RTL4: variants seen among roughly 807,000 people sequenced by gnomAD.
RTL4 encodes the protein retrotransposon Gag-like protein 4.
In RTL4, 4 loss-of-function variants were observed where a neutral mutation model predicts 5.3. That is an observed-to-expected ratio of 0.75 (90% CI 0.37 to 1.72). The LOEUF (loss-of-function observed/expected upper bound fraction) is 1.72, where lower values mean the gene tolerates loss of function less well. Among genes scored for constraint, RTL4 ranks in the 40% most tolerant of loss-of-function variants. The pLI is 0.04. For missense variants in RTL4, 260 were observed against 227.1 expected (o/e 1.14, Z -0.93); for synonymous variants, 98 against 87.3 (o/e 1.12, Z -0.68).
the RTL4 span, among the ~76,000 whole-genome samples, chrX:112,394,833 T>A: frequency 8.9e-6 from 1 of 112,204 alleles, no homozygotes; most frequent in Non-Finnish European, 1.9e-5. Flanking sequence ...GTATGGTAAA[T>A]TCTTTTTATG....
At chrX:112,197,803 G>T in the RTL4 span, among the ~76,000 whole-genome samples, 1 of 111,426 alleles carries the variant, frequency 9.0e-6, no homozygotes, top group Admixed American at 9.6e-5. Context: ...TTTTGCATTT[G>T]TTTGTCTTTG....
At chrX:112,401,215 T>G in the RTL4 span, among the ~76,000 whole-genome samples, 1 of 111,842 alleles carries the variant, frequency 8.9e-6, no homozygotes, top group South Asian at 3.7e-4. Flanking sequence ...CTCCTTTCTC[T>G]TAGTTCCTGT....
chrX:112,289,273 G>A, the RTL4 span, among the ~76,000 whole-genome samples: 1 of 111,896 alleles, frequency 8.9e-6, no homozygotes, highest in Non-Finnish European at 1.9e-5. Flanking sequence ...TAGTTTCTAG[G>A]CTTAACTCAA....
At chrX:112,309,174 T>C in the RTL4 span, among the ~76,000 whole-genome samples, 4 of 111,792 alleles carry the variant, frequency 3.6e-5, no homozygotes, top group African/African-American at 1.3e-4. Context: ...CTCACACTTC[T>C]GGAGGATGGC....
the RTL4 span, among the ~76,000 whole-genome samples, chrX:112,138,228 G>A: frequency 1.1e-3 from 121 of 112,153 alleles, no homozygotes; most frequent in African/African-American, 3.7e-3. Context: ...TAGAATGGCG[G>A]TAGCCAGGGG....
the RTL4 span, among the ~76,000 whole-genome samples, chrX:112,415,072 T>G: frequency 9.0e-6 from 1 of 111,622 alleles, no homozygotes; most frequent in East Asian, 2.8e-4. Context: ...TTTTTAAAAC[T>G]TTTTATTGAA....
At chrX:112,244,460 G>A in the RTL4 span, among the ~76,000 whole-genome samples, 1 of 111,380 alleles carries the variant, frequency 9.0e-6, no homozygotes, top group Non-Finnish European at 1.9e-5. Flanking sequence ...GGCCTTCTTT[G>A]TCTCTTTTGG....
the RTL4 span, among the ~76,000 whole-genome samples, chrX:112,350,992 C>A: frequency 9.0e-6 from 1 of 111,107 alleles, no homozygotes; most frequent in African/African-American, 3.3e-5. Context: ...CTCCTTTCTC[C>A]TGTGGGCATT....
the RTL4 span, among the ~76,000 whole-genome samples, chrX:112,397,041 T>C: frequency 8.9e-6 from 1 of 112,050 alleles, no homozygotes; most frequent in African/African-American, 3.2e-5. Flanking sequence ...TGTGAAGTTA[T>C]TCTACCACCT....
the RTL4 span, among the ~76,000 whole-genome samples, chrX:112,114,690 C>G: frequency 9.0e-6 from 1 of 111,187 alleles, no homozygotes; most frequent in African/African-American, 3.3e-5. Flanking sequence ...TTGTTTCCTT[C>G]TGGGCAGGGG....
the RTL4 span, among the ~76,000 whole-genome samples, chrX:112,311,836 A>G: frequency 9.1e-6 from 1 of 110,417 alleles, no homozygotes; most frequent in Non-Finnish European, 1.9e-5. Context: ...TTTCACAAAA[A>G]CCTTCTCCTC....
the RTL4 span, among the ~76,000 whole-genome samples, chrX:112,199,985 TG>T: frequency 7.1e-5 from 8 of 112,293 alleles, no homozygotes; most frequent in African/African-American, 9.7e-5. Context: ...GTATTTTATT[TG>T]TTATGTGCCG....
chrX:112,420,088 G>A, the RTL4 span, among the ~76,000 whole-genome samples: 50 of 110,660 alleles, frequency 4.5e-4, 1 homozygote, highest in East Asian at 0.014. Context: ...TCTAAGAGAG[G>A]TTTAGAAATG....
chrX:112,177,065 G>T, the RTL4 span, among the ~76,000 whole-genome samples: 272 of 98,831 alleles, frequency 2.8e-3, no homozygotes, highest in African/African-American at 9.4e-3. Context: ...TTTTTTTTTT[G>T]TCCGAATGGA....
upstream of RTL4, among the ~76,000 whole-genome samples, chrX:112,453,124 T>C (rs757295760): frequency 5.8e-4 from 64 of 111,275 alleles, no homozygotes; most frequent in African/African-American, 1.9e-3. Context: ...ATGCTGGTGG[T>C]TGGATTCATG....
the RTL4 span, among the ~76,000 whole-genome samples, chrX:112,226,274 CTCTG>C: frequency 8.9e-6 from 1 of 112,259 alleles, no homozygotes; most frequent in East Asian, 2.8e-4. Flanking sequence ...TTCCCTCCAG[CTCTG>C]TCTATGAAAA....
the RTL4 span, among the ~76,000 whole-genome samples, chrX:112,287,039 A>G: frequency 3.2e-4 from 36 of 111,694 alleles, no homozygotes; most frequent in Non-Finnish European, 5.8e-4. Flanking sequence ...TATTTATTTA[A>G]TATCTGTCTG....
the RTL4 span, among the ~76,000 whole-genome samples, chrX:112,332,535 C>T: frequency 9.1e-6 from 1 of 109,433 alleles, no homozygotes; most frequent in Admixed American, 9.8e-5. Context: ...TTTGTAGGGA[C>T]ATGGATGAAG....
the RTL4 span, among the ~76,000 whole-genome samples, chrX:112,271,992 A>C: frequency 9.6e-4 from 108 of 112,318 alleles, no homozygotes; most frequent in African/African-American, 3.2e-3. Flanking sequence ...TAATTAATAT[A>C]TCCATCACCT....
Sources: allele counts gnomAD v4.1 joint callset (sites outside exome capture counted in the v4.1 genomes callset), GRCh38; gene constraint gnomAD v4.1.1; transcripts MANE v1.5; gene names NCBI Gene and HGNC (gene_info 2026-07-23, HGNC 2026-07-21).